PTPRG: variants seen among roughly 807,000 people sequenced by gnomAD.
The protein encoded by PTPRG is receptor-type tyrosine-protein phosphatase gamma.
In PTPRG, 102 loss-of-function variants were observed where a neutral mutation model predicts 165.3. The ratio of observed to expected loss-of-function variants is 0.62; its 90% CI spans 0.53 to 0.73. PTPRG has a LOEUF of 0.73. Among genes scored for constraint, PTPRG ranks in the 30% least tolerant of loss-of-function variants. PTPRG has a pLI of 0.00. For synonymous variants in PTPRG, 675 were observed against 669.5 expected, an observed-to-expected ratio of 1.01 and a Z score of -0.13; for missense variants, 1,866 against 1,861.4, an observed-to-expected ratio of 1.00 and a Z score of -0.05.
intron 1 of PTPRG, among the ~76,000 whole-genome samples, chr3:61,578,329 T>A (rs1296105969): frequency 6.6e-6 from 1 of 152,192 alleles, no homozygotes; most frequent in East Asian, 1.9e-4. Flanking sequence ...ATTGCAGCAA[T>A]CAGCCCCTGG....
chr3:61,614,325 C>G (rs1323761254), intron 1 of PTPRG, among the ~76,000 whole-genome samples: 1 of 152,010 alleles, frequency 6.6e-6, no homozygotes, highest in African/African-American at 2.4e-5. Context: ...TACTAACCAA[C>G]CCTATGACCT....
In PTPRG at chr3:61,643,260, GGAGAGAGAGAGAGAGAAAGA is replaced by G. The variant is rs959681424; in HGVS notation, c.85+80903_85+80922del. 2.2e-5 allele frequency among the ~76,000 whole-genome samples: 3 copies of G among 138,596 alleles called. No individual in the cohort carries two copies. In the Middle Eastern group the frequency reaches 0.011, roughly 510 times the overall value. The allele number at this position is 138,596 out of a possible 152,430, so 90.9% of individuals were successfully genotyped here. On this transcript the variant is annotated intron_variant, in intron 1 of 29. Transcript: ENST00000474889. ...GGAAACATAGCAAGACCCCATCTGG[GGAGAGAGAGAGAGAGAAAGA>G]GAGAGAGAGAGAGACAGAGACAGAC...
At chr3:62,177,147 G>A (rs1422234602) in intron 8 of PTPRG, among the ~76,000 whole-genome samples, 1 of 151,932 alleles carries the variant, frequency 6.6e-6, no homozygotes, top group Non-Finnish European at 1.5e-5. Flanking sequence ...AGCTGGGCTT[G>A]GTAGCACACA....
chr3:61,620,462 G>A (rs1426702873), intron 1 of PTPRG, among the ~76,000 whole-genome samples: 1 of 151,866 alleles, frequency 6.6e-6, no homozygotes, highest in Non-Finnish European at 1.5e-5. Context: ...GATTTGTAAT[G>A]GTCAACCATT....
intron 2 of PTPRG, among the ~76,000 whole-genome samples, chr3:61,840,903 T>A (rs566186568): frequency 7.4e-5 from 11 of 149,394 alleles, no homozygotes; most frequent in African/African-American, 2.7e-4. Context: ...TGCCTCAGCC[T>A]CCCGAGTAGC....
chr3:61,854,503 C>T (rs2037048298), intron 2 of PTPRG, among the ~76,000 whole-genome samples: 2 of 152,326 alleles, frequency 1.3e-5, no homozygotes, highest in Middle Eastern at 3.4e-3. Flanking sequence ...CTCCTAAGGT[C>T]TGTGCCTGTT....
intron 1 of PTPRG, among the ~76,000 whole-genome samples, chr3:61,626,434 G>A (rs1413901866): frequency 1.3e-5 from 2 of 152,256 alleles, no homozygotes; most frequent in Admixed American, 6.5e-5. Context: ...AACATAAGGG[G>A]TTGCATTTTC....
chr3:61,632,886 A>G (rs1355371582), intron 1 of PTPRG, among the ~76,000 whole-genome samples: 2 of 152,070 alleles, frequency 1.3e-5, no homozygotes, highest in Admixed American at 6.6e-5. Flanking sequence ...AAGATTCCAC[A>G]TGATCCAGCT....
intron 2 of PTPRG, among the ~76,000 whole-genome samples, chr3:61,982,353 T>A (rs574993478): frequency 3.3e-5 from 5 of 152,166 alleles, no homozygotes; most frequent in Non-Finnish European, 7.3e-5. Context: ...CTAGTTAGGT[T>A]TGGGGTGAAT....
intron 4 of PTPRG, among the ~76,000 whole-genome samples, chr3:62,043,574 A>G (rs890089590): frequency 4.6e-5 from 7 of 152,240 alleles, no homozygotes; most frequent in African/African-American, 1.7e-4. Context: ...CTCTGTTGCA[A>G]AAGGTCTCTT....
intron 1 of PTPRG, among the ~76,000 whole-genome samples, chr3:61,702,837 T>C (rs887900714): frequency 1.3e-5 from 2 of 152,238 alleles, no homozygotes; most frequent in African/African-American, 4.8e-5. Context: ...TCTTTAGTTA[T>C]TGATTATACA....
chr3:62,275,960 G>A lies in PTPRG; in HGVS notation c.3553G>A (p.Val1185Met). The A allele has an allele frequency of 6.2e-7, 1 of 1,604,632 alleles. No homozygotes were observed. The highest frequency in any genetic ancestry group is 8.5e-7 in the Non-Finnish European group (1 of 1,172,450). ...NKEKNRNSSV[V>M]PSERARVGLA... Reference sequence around the variant, plus strand: ...AGAAAAGAACAGAAACTCTTCAGTTGTGCCATGTAAGACTTTAAAACAGTT... The same window carrying A: ...AGAAAAGAACAGAAACTCTTCAGTTATGCCATGTAAGACTTTAAAACAGTT... Residue 1185 changes from valine (V) to methionine (M), a missense_variant, in exon 24 of 30, where the codon GTG becomes ATG. Val to Met is a conservative substitution (Grantham distance 21, BLOSUM62 1). This residue lies in a region of PTPRG where 1,452 missense variants were observed against 1,463.0 expected (regional missense o/e 0.99). Coordinates refer to ENST00000474889, the MANE Select transcript of PTPRG (RefSeq NM_002841.4).
chr3:62,218,266 C>T (rs1005951174), intron 12 of PTPRG, among the ~76,000 whole-genome samples: 2 of 152,112 alleles, frequency 1.3e-5, no homozygotes, highest in Non-Finnish European at 2.9e-5. Flanking sequence ...GATGATTGTC[C>T]CACCATGACT....
chr3:62,021,198 T>C (rs2107760595), intron 4 of PTPRG, among the ~76,000 whole-genome samples: 1 of 152,356 alleles, frequency 6.6e-6, no homozygotes, highest in East Asian at 1.9e-4. Context: ...TAGTAGGTGA[T>C]TGATAAATTT....
intron 9 of PTPRG, 24 bp downstream of exon 9, chr3:62,191,677 A>G: frequency 6.2e-7 from 1 of 1,607,346 alleles, no homozygotes; most frequent in Non-Finnish European, 8.5e-7. Context: ...CCTCTGATTC[A>G]GGGTACATGC....
chr3:62,074,633 G>A (rs1248650537), intron 4 of PTPRG, among the ~76,000 whole-genome samples: 2 of 152,074 alleles, frequency 1.3e-5, no homozygotes, highest in African/African-American at 2.4e-5. Flanking sequence ...GAGCCACATT[G>A]CACCTGGCCC....
chr3:61,949,468 T>C (rs2039843797), intron 2 of PTPRG, among the ~76,000 whole-genome samples: 1 of 152,144 alleles, frequency 6.6e-6, no homozygotes, highest in South Asian at 2.1e-4. Flanking sequence ...AAACCACAAT[T>C]GAAGTGAGGC....
chr3:61,567,605 G>T (rs865799360), intron 1 of PTPRG, among the ~76,000 whole-genome samples: 1 of 147,318 alleles, frequency 6.8e-6, no homozygotes, highest in Non-Finnish European at 1.5e-5. Context: ...GGTTGAGGCC[G>T]CAGTGTACTG....
chr3:62,093,359 C>T (rs1702006854), intron 5 of PTPRG, among the ~76,000 whole-genome samples: 1 of 152,224 alleles, frequency 6.6e-6, no homozygotes. Flanking sequence ...AGAGTCACAC[C>T]AGTCCAACTT....
Sources: allele counts gnomAD v4.1 joint callset (sites outside exome capture counted in the v4.1 genomes callset), GRCh38; gene constraint gnomAD v4.1.1; regional missense constraint gnomAD v4.1.1; transcripts MANE v1.5; gene names NCBI Gene and HGNC (gene_info 2026-07-23, HGNC 2026-07-21).